TSC1: variants seen among roughly 807,000 people sequenced by gnomAD.
The protein encoded by TSC1 is hamartin.
In TSC1, 20 loss-of-function variants were observed where a neutral mutation model predicts 124.3. The ratio of observed to expected loss-of-function variants is 0.16; its 90% CI spans 0.11 to 0.23. The LOEUF is 0.23. TSC1 is among the 10% of genes least tolerant of loss of function. TSC1 has a pLI of 1.00. For missense variants in TSC1, 1,124 were observed against 1,448.5 expected (o/e 0.78, Z 3.64); for synonymous variants, 493 against 539.1 (o/e 0.91, Z 1.19).
chr9:132,896,314 T>G lies in TSC1; in HGVS notation c.3416A>C (p.His1139Pro), dbSNP rs764018144. Residue 1139 changes from histidine (H) to proline (P), a missense_variant, in exon 23 of 23, where the codon CAC becomes CCC. Physicochemically the swap from His to Pro is moderately conservative, Grantham distance 77. Transcript: ENST00000298552. This position sits in a 1 kb window ranked among gnomAD's most constrained non-coding sequence, Gnocchi z 4.5. The part of the protein sequence containing the change: ...AKIPLNLDGP[H>P]PSPPTPDSVG... ...ACTGTCCGGGGTCGGGGGAGACGGG[T>G]GAGGGCCATCTAGGTTCAGGGGAAT... 26 of 1,614,036 alleles carry G rather than the reference T, an allele frequency of 1.6e-5. No homozygotes were observed. The highest frequency in any genetic ancestry group is 1.9e-5 in the Non-Finnish European group (23 of 1,180,032).
chr9:132,940,548 C>G (rs1441745001), intron 1 of TSC1, among the ~76,000 whole-genome samples: 2 of 152,168 alleles, frequency 1.3e-5, no homozygotes, highest in Non-Finnish European at 2.9e-5. Flanking sequence ...CAGTTTATCA[C>G]AGTGGAAGAC....
At chr9:132,898,048 T>C (rs993564129) in intron 20 of TSC1, among the ~76,000 whole-genome samples, 6 of 152,272 alleles carry the variant, frequency 3.9e-5, no homozygotes, top group South Asian at 2.1e-4. Context: ...CATATACATA[T>C]ACAAAACACC....
rs1844955771 is a variant in TSC1 at position 132,894,948 on chromosome 9, C to T, written c.*1287G>A. On this transcript the variant is annotated 3_prime_UTR_variant, in exon 23 of 23. Transcript: ENST00000298552. ...GGAGCACTTGTTGAGTTTGGATTCT[C>T]TGCCACTGCCAATTTTCTGACTAGT... 1 of 231,962 alleles carries T rather than the reference C, an allele frequency of 4.3e-6. No individual in the cohort carries two copies. Among genetic ancestry groups the T allele is most frequent in the Admixed American group, 5.6e-5 (1 of 17,748 alleles). The allele number at this position is 231,962 out of a possible 1,614,324, so 14.4% of individuals were successfully genotyped here.
chr9:132,904,710 C>T (rs1211956784), intron 15 of TSC1, among the ~76,000 whole-genome samples: 2 of 152,178 alleles, frequency 1.3e-5, no homozygotes, highest in African/African-American at 2.4e-5. Flanking sequence ...AAATCCAGAG[C>T]GGAGAGGGTT....
intron 12 of TSC1, among the ~76,000 whole-genome samples, chr9:132,909,368 C>A (rs1432293926): frequency 6.6e-6 from 1 of 152,204 alleles, no homozygotes; most frequent in African/African-American, 2.4e-5. Context: ...CTTCCACAGA[C>A]TTTTCGGTCT....
chr9:132,928,715 G>C, intron 3 of TSC1, 52 bp downstream of exon 3: 1 of 1,608,122 alleles, frequency 6.2e-7, no homozygotes. Context: ...TGGCTCTAAA[G>C]TCAATCTCTT....
chr9:132,892,905 C>T lies in TSC1; in HGVS notation c.*3330G>A, dbSNP rs553475307. 2.1e-5 allele frequency: 5 copies of T among 233,270 alleles called. No homozygotes were observed. In the South Asian group the frequency reaches 9.1e-4, roughly 42 times the overall value. 14.5% of individuals were successfully genotyped at this position (233,270 alleles called of 1,614,324 possible). On this transcript the variant is annotated 3_prime_UTR_variant, in exon 23 of 23. Transcript: ENST00000298552. ...CAACAACTGCTAGAGTTTTATCTTT[C>T]CCAACAAATATACCAGAAACTATGT...
chr9:132,943,275 C>T (rs543443588), intron 1 of TSC1, among the ~76,000 whole-genome samples: 103 of 149,216 alleles, frequency 6.9e-4, no homozygotes, highest in African/African-American at 2.5e-3. Context: ...GGACTTCTTT[C>T]TTCAGTAAAC....
At chr9:132,911,360 T>G in intron 10 of TSC1, 93 bp downstream of exon 10, 1 of 1,021,142 alleles carries the variant, frequency 9.8e-7, no homozygotes. Context: ...ATGAGCAGTG[T>G]GAAATTTTCC....
At chr9:132,937,563 C>T (rs1847523147) in intron 1 of TSC1, among the ~76,000 whole-genome samples, 1 of 152,156 alleles carries the variant, frequency 6.6e-6, no homozygotes, top group Non-Finnish European at 1.5e-5. Context: ...CCCGGTTGGA[C>T]ATTTTACCTG....
chr9:132,898,088 A>T (rs1473980408), intron 20 of TSC1, among the ~76,000 whole-genome samples: 1 of 152,228 alleles, frequency 6.6e-6, no homozygotes, highest in Non-Finnish European at 1.5e-5. Context: ...TCCAGTTATC[A>T]TTTCAGTCCA....
chr9:132,927,157 C>T (rs1236490422), intron 4 of TSC1, 44 bp downstream of exon 4: 2 of 1,587,270 alleles, frequency 1.3e-6, no homozygotes, highest in African/African-American at 2.7e-5. Flanking sequence ...AGCTGTTGTA[C>T]TCATGAAGAA....
chr9:132,897,060 G>T, intron 22 of TSC1, 124 bp downstream of exon 22: 1 of 1,484,186 alleles, frequency 6.7e-7, no homozygotes, highest in African/African-American at 1.4e-5. Flanking sequence ...TCTCTGACAC[G>T]GAGTGAGCTG....
chr9:132,918,226 G>A (rs1291386382), intron 8 of TSC1, among the ~76,000 whole-genome samples: 1 of 152,190 alleles, frequency 6.6e-6, no homozygotes, highest in Non-Finnish European at 1.5e-5. Context: ...AAAACAGACA[G>A]GCAGGTGGTA....
At position 132,902,876 on chromosome 9, in the gene TSC1, T is replaced by C. The variant is rs936360486; in HGVS notation, c.2209-89A>G. 6.7e-7 allele frequency: 1 copy of C among 1,503,710 alleles called. No homozygotes were observed. Among genetic ancestry groups the C allele is most frequent in the Non-Finnish European group, 9.2e-7 (1 of 1,087,412 alleles). 93.1% of individuals were successfully genotyped at this position (1,503,710 alleles called of 1,614,324 possible). On this transcript the variant is annotated intron_variant, in intron 17 of 22. Transcript: ENST00000298552. The surrounding 1 kb of genome is among the most constrained non-coding windows in gnomAD (Gnocchi z 5.2). Reference sequence around the variant, plus strand: ...TGCGAACATTTCATCTGAATAGTCATAAGCTACCCTGAAAATGTAACTAAC... The same window carrying C: ...TGCGAACATTTCATCTGAATAGTCACAAGCTACCCTGAAAATGTAACTAAC...
At chr9:132,920,128 A>G (rs1846469333) in intron 8 of TSC1, among the ~76,000 whole-genome samples, 1 of 152,164 alleles carries the variant, frequency 6.6e-6, no homozygotes, top group East Asian at 1.9e-4. Context: ...AGACTCATTC[A>G]TGACCTTGTG....
chr9:132,928,378 A>G (rs1368829666), intron 3 of TSC1, among the ~76,000 whole-genome samples: 1 of 152,198 alleles, frequency 6.6e-6, no homozygotes, highest in Non-Finnish European at 1.5e-5. Context: ...AATTTTGCCA[A>G]CCTGGTAAGC....
intron 2 of TSC1, among the ~76,000 whole-genome samples, chr9:132,933,731 T>C (rs1847324458): frequency 2.0e-5 from 3 of 152,346 alleles, no homozygotes; most frequent in Admixed American, 2.0e-4. Context: ...AATTCCAAAC[T>C]TCTAAAATCT....
intron 1 of TSC1, among the ~76,000 whole-genome samples, chr9:132,940,218 G>C (rs906128378): frequency 2.0e-5 from 3 of 151,386 alleles, no homozygotes; most frequent in African/African-American, 7.3e-5. Flanking sequence ...CTTCTGACTT[G>C]GGCCTTTCCT....
Sources: allele counts gnomAD v4.1 joint callset (sites outside exome capture counted in the v4.1 genomes callset), GRCh38; gene constraint gnomAD v4.1.1; non-coding constraint Gnocchi (gnomAD v3.1); transcripts MANE v1.5; gene names NCBI Gene and HGNC (gene_info 2026-07-23, HGNC 2026-07-21).